Variants in RNF13 observed in about 807,000 individuals in gnomAD.
RNF13 encodes the protein E3 ubiquitin-protein ligase RNF13.
Under a neutral mutation model 37.7 loss-of-function variants are expected in RNF13, and 19 were observed. The observed-to-expected ratio is 0.50, with a 90% CI of 0.35 to 0.74. The LOEUF is 0.74. Among genes scored for constraint, RNF13 ranks in the 30% least tolerant of loss-of-function variants. The pLI, the probability that RNF13 is intolerant of heterozygous loss-of-function variation, is 0.01. For synonymous variants in RNF13, 144 were observed against 157.8 expected (o/e 0.91, Z 0.65); for missense variants, 375 against 453.0 (o/e 0.83, Z 1.56).
At chr3:149,863,104 C>T (rs954220140) in intron 3 of RNF13, among the ~76,000 whole-genome samples, 1 of 152,180 alleles carries the variant, frequency 6.6e-6, no homozygotes, top group Admixed American at 6.5e-5. Flanking sequence ...TTGCCATTCT[C>T]TTTGAATTCT....
intron 8 of RNF13, among the ~76,000 whole-genome samples, chr3:149,943,204 TG>T (rs1192128035): frequency 1.3e-5 from 2 of 151,878 alleles, no homozygotes; most frequent in African/African-American, 4.8e-5. Context: ...AGAATGAGTT[TG>T]GAAGTGTTGC....
At chr3:149,941,903 A>ATTTATTTATTTAT (rs1413391001) in intron 8 of RNF13, among the ~76,000 whole-genome samples, 3 of 150,504 alleles carry the variant, frequency 2.0e-5, no homozygotes, top group Non-Finnish European at 4.4e-5. Context: ...TTATTTATTT[A>ATTTATTTATTTAT]TTTATTTATT....
At chr3:149,825,402 G>A (rs1301194078) in intron 1 of RNF13, among the ~76,000 whole-genome samples, 1 of 152,162 alleles carries the variant, frequency 6.6e-6, no homozygotes, top group Non-Finnish European at 1.5e-5. Flanking sequence ...GACCTCAGGT[G>A]ATCCGCCTGC....
At chr3:149,898,705 GATT>G (rs1183004953) in intron 5 of RNF13, among the ~76,000 whole-genome samples, 1 of 152,044 alleles carries the variant, frequency 6.6e-6, no homozygotes, top group Non-Finnish European at 1.5e-5. Context: ...TTATTATTGT[GATT>G]ATTATCATTT....
chr3:149,860,481 A>G (rs769944036), intron 3 of RNF13, among the ~76,000 whole-genome samples: 7 of 151,826 alleles, frequency 4.6e-5, no homozygotes, highest in African/African-American at 7.3e-5. Context: ...TTATGGCCAA[A>G]TGATTATTGA....
At chr3:149,952,826 C>T (rs1230225293) in intron 8 of RNF13, among the ~76,000 whole-genome samples, 3 of 152,096 alleles carry the variant, frequency 2.0e-5, no homozygotes, top group African/African-American at 4.8e-5. Context: ...CTTGAACTCC[C>T]GACCTCAGGT....
At chr3:149,817,359 A>G (rs1719570154) in intron 1 of RNF13, 1 of 152,178 alleles carries the variant, frequency 6.6e-6, no homozygotes, top group Non-Finnish European at 1.5e-5. Context: ...AGACCTAGCA[A>G]GGCTCCCATT....
At chr3:149,838,787 G>A (rs910394548) in intron 1 of RNF13, among the ~76,000 whole-genome samples, 8 of 151,388 alleles carry the variant, frequency 5.3e-5, no homozygotes, top group Non-Finnish European at 8.8e-5. Flanking sequence ...TTGGCTCCTC[G>A]TTACTTAAGC....
intron 1 of RNF13, among the ~76,000 whole-genome samples, chr3:149,828,884 G>A (rs1196344809): frequency 1.3e-5 from 2 of 152,042 alleles, no homozygotes; most frequent in Non-Finnish European, 2.9e-5. Context: ...GAGGGGCCTG[G>A]GAACATTTAT....
intron 8 of RNF13, among the ~76,000 whole-genome samples, chr3:149,922,241 G>C (rs1718208788): frequency 1.3e-5 from 2 of 152,100 alleles, no homozygotes; most frequent in African/African-American, 2.4e-5. Context: ...CAGAGTGCTG[G>C]GACTACAGGT....
chr3:149,919,995 A>G (rs1427146652), intron 7 of RNF13, among the ~76,000 whole-genome samples: 1 of 152,196 alleles, frequency 6.6e-6, no homozygotes. Context: ...CCTATTGACT[A>G]CTAGTAGACA....
At chr3:149,912,677 T>C (rs1308739616) in intron 7 of RNF13, among the ~76,000 whole-genome samples, 4 of 152,158 alleles carry the variant, frequency 2.6e-5, no homozygotes, top group African/African-American at 9.7e-5. Context: ...AATTCAACTC[T>C]TCTGTATGTT....
At chr3:149,836,537 G>T (rs953724608) in intron 1 of RNF13, among the ~76,000 whole-genome samples, 7 of 151,890 alleles carry the variant, frequency 4.6e-5, no homozygotes, top group African/African-American at 1.5e-4. Flanking sequence ...TGTTGGCAAG[G>T]ATGTGAAGAA....
At chr3:149,829,965 T>G (rs1242385425) in intron 1 of RNF13, among the ~76,000 whole-genome samples, 2 of 151,532 alleles carry the variant, frequency 1.3e-5, no homozygotes, top group African/African-American at 2.4e-5. Context: ...CTGCACATGC[T>G]CTCTTGCTTG....
At chr3:149,914,600 A>G (rs975030528) in intron 7 of RNF13, among the ~76,000 whole-genome samples, 3 of 152,108 alleles carry the variant, frequency 2.0e-5, no homozygotes, top group Non-Finnish European at 4.4e-5. Flanking sequence ...TAAAATAAAC[A>G]TTATTAAATG....
At chr3:149,923,715 G>A (rs572249593) in intron 8 of RNF13, among the ~76,000 whole-genome samples, 3 of 141,964 alleles carry the variant, frequency 2.1e-5, no homozygotes, top group Admixed American at 7.3e-5. Flanking sequence ...GCAGTGAGCC[G>A]AGATCACACG....
intron 8 of RNF13, among the ~76,000 whole-genome samples, chr3:149,923,324 A>T (rs1718327399): frequency 6.6e-6 from 1 of 152,132 alleles, no homozygotes; most frequent in Non-Finnish European, 1.5e-5. Flanking sequence ...TCCTGAGCTC[A>T]AGTGATCATC....
At chr3:149,889,091 A>G (rs1475156098) in intron 4 of RNF13, among the ~76,000 whole-genome samples, 1 of 151,624 alleles carries the variant, frequency 6.6e-6, no homozygotes, top group African/African-American at 2.4e-5. Context: ...GGTGTGTGCC[A>G]CCACGCCCAG....
intron 1 of RNF13, among the ~76,000 whole-genome samples, chr3:149,828,631 AATT>A (rs1434813042): frequency 5.3e-5 from 8 of 152,132 alleles, no homozygotes; most frequent in Non-Finnish European, 1.0e-4. Flanking sequence ...TATTTGAAAG[AATT>A]ATGAAGTCTG....
Sources: gnomAD v4.1 joint callset for allele counts (sites outside exome capture counted in the v4.1 genomes callset) on GRCh38, gnomAD v4.1.1 for gene constraint, MANE v1.5 for transcripts, NCBI Gene and HGNC (gene_info 2026-07-23, HGNC 2026-07-21) for gene names.